The following PPP2R2B variants were observed in gnomAD, a reference collection of about 807,000 sequenced individuals.
PPP2R2B encodes the protein serine/threonine-protein phosphatase 2A 55 kDa regulatory subunit B beta isoform.
Under a neutral mutation model 46.0 loss-of-function variants are expected in PPP2R2B, and 5 were observed. That is an observed-to-expected ratio of 0.11 (90% CI 0.06 to 0.23). The LOEUF (loss-of-function observed/expected upper bound fraction) is 0.23, where lower values mean the gene tolerates loss of function less well. Ranked by LOEUF, PPP2R2B falls within the 10% of genes least tolerant of loss-of-function variation. The probability of loss-of-function intolerance (pLI) is 1.00; values close to 1 mark genes in which losing one functional copy is unlikely to be tolerated. For missense variants in PPP2R2B, 367 were observed against 575.0 expected, an observed-to-expected ratio of 0.64 and a Z score of 3.70; for synonymous variants, 215 against 206.7, an observed-to-expected ratio of 1.04 and a Z score of -0.34.
At chr5:147,053,545 AACAC>A (rs5872002) in intron 1 of PPP2R2B, among the ~76,000 whole-genome samples, 34 of 148,566 alleles carry the variant, frequency 2.3e-4, no homozygotes, top group Middle Eastern at 6.9e-3. Context: ...CAACAATATA[AACAC>A]ACACACACAC....
At chr5:146,739,064 G>T (rs1358824954) in intron 2 of PPP2R2B, among the ~76,000 whole-genome samples, 3 of 152,134 alleles carry the variant, frequency 2.0e-5, no homozygotes, top group Non-Finnish European at 4.4e-5. Context: ...GTGTTGCCCA[G>T]GCTGGAGTGT....
At chr5:147,007,119 C>T (rs1754475030) in intron 1 of PPP2R2B, among the ~76,000 whole-genome samples, 1 of 152,148 alleles carries the variant, frequency 6.6e-6, no homozygotes, top group Admixed American at 6.6e-5. Context: ...CTAACAACTA[C>T]TGAGGACCCC....
At chr5:146,758,895 T>A (rs1753993458) in intron 2 of PPP2R2B, among the ~76,000 whole-genome samples, 2 of 152,184 alleles carry the variant, frequency 1.3e-5, no homozygotes, top group Non-Finnish European at 2.9e-5. Context: ...TAGGTTTTTT[T>A]ACTTCCAATC....
At chr5:146,661,161 A>G (rs1453840236) in intron 5 of PPP2R2B, among the ~76,000 whole-genome samples, 1 of 152,228 alleles carries the variant, frequency 6.6e-6, no homozygotes, top group Non-Finnish European at 1.5e-5. Context: ...TTTGGTTGCC[A>G]CAATAGAGGG....
chr5:146,669,888 G>A (rs190016388), intron 5 of PPP2R2B, among the ~76,000 whole-genome samples: 60 of 152,196 alleles, frequency 3.9e-4, no homozygotes, highest in African/African-American at 1.4e-3. Context: ...TTCTGGTGAC[G>A]TTACTATATT....
intron 2 of PPP2R2B, among the ~76,000 whole-genome samples, chr5:146,785,701 T>C (rs1755791000): frequency 1.3e-5 from 2 of 152,086 alleles, no homozygotes; most frequent in African/African-American, 4.8e-5. Flanking sequence ...TTTTAAAAAG[T>C]CAGATAAGTT....
At chr5:146,935,115 T>G (rs1349654122) in intron 1 of PPP2R2B, among the ~76,000 whole-genome samples, 2 of 152,230 alleles carry the variant, frequency 1.3e-5, no homozygotes, top group East Asian at 3.8e-4. Context: ...AAAATCTATC[T>G]GTGCCTCTCA....
At position 146,878,616 on chromosome 5, in the gene PPP2R2B, C is replaced by T; in HGVS notation, c.-150G>A. The T allele has an allele frequency of 4.8e-6, 6 of 1,244,046 alleles. No homozygotes were observed. The highest frequency in any genetic ancestry group is 7.0e-5 in the East Asian group (2 of 28,570). 77.1% of individuals were successfully genotyped at this position (1,244,046 alleles called of 1,614,324 possible). A position where few individuals can be genotyped will look rare whatever the true frequency, so the allele number is the denominator to read the frequency against. On this transcript the variant is annotated 5_prime_UTR_variant, in exon 1 of 10. Coordinates refer to ENST00000394411, the MANE Select transcript of PPP2R2B (RefSeq NM_181675.4). This position sits in a 1 kb window ranked among gnomAD's most constrained non-coding sequence, Gnocchi z 4.5. ...CTGGCCGGAATGAGGGTGCTGGTCC[C>T]ACGGGAGGGCGGCTCCGGCAGGCGG...
At chr5:146,992,881 T>C (rs1364206006) in intron 1 of PPP2R2B, among the ~76,000 whole-genome samples, 3 of 152,246 alleles carry the variant, frequency 2.0e-5, no homozygotes, top group Non-Finnish European at 4.4e-5. Flanking sequence ...AGAAAAGCTG[T>C]GGCAGCTCTG....
intron 1 of PPP2R2B, among the ~76,000 whole-genome samples, chr5:147,009,864 T>TACACACACAC (rs201299020): frequency 6.6e-5 from 9 of 136,568 alleles, no homozygotes; most frequent in Middle Eastern, 3.5e-3. Context: ...CACACACACA[T>TACACACACAC]ACACACACAC....
At chr5:146,923,177 G>A (rs1763667021) in intron 1 of PPP2R2B, among the ~76,000 whole-genome samples, 1 of 152,084 alleles carries the variant, frequency 6.6e-6, no homozygotes, top group Non-Finnish European at 1.5e-5. Context: ...GACACTAAAA[G>A]ATTCTCAATA....
At chr5:147,064,519 G>A (rs563643228) in intron 2 of PPP2R2B, among the ~76,000 whole-genome samples, 2 of 152,172 alleles carry the variant, frequency 1.3e-5, no homozygotes, top group East Asian at 3.9e-4. Context: ...AGAGACCTGG[G>A]CTGTGATAAT....
chr5:146,836,943 T>C (rs894415924), intron 2 of PPP2R2B, among the ~76,000 whole-genome samples: 22 of 152,250 alleles, frequency 1.4e-4, no homozygotes, highest in African/African-American at 5.1e-4. Flanking sequence ...CATTCATTTC[T>C]TCATTCAACA....
rs1762053579 is a variant in PPP2R2B at position 146,878,724 on chromosome 5, C to CTGCTGCTGCT, written c.-259_-258insAGCAGCAGCA. The CTGCTGCTGCT allele has an allele frequency of 2.7e-6, 2 of 750,308 alleles. No homozygotes were observed. The highest frequency in any genetic ancestry group is 1.0e-4 in the Admixed American group (2 of 19,902). The allele number at this position is 750,308 out of a possible 1,614,324, so 46.5% of individuals were successfully genotyped here. A position where few individuals can be genotyped will look rare whatever the true frequency, so the allele number is the denominator to read the frequency against. ...ACCCTCACACCCACACGCGCGCACT[C>CTGCTGCTGCT]GCAGCTGCTGCTGCTGCTGCTGCTG... On this transcript the variant is annotated 5_prime_UTR_variant, in exon 1 of 10. Transcript: ENST00000394411. This position sits in a 1 kb window ranked among gnomAD's most constrained non-coding sequence, Gnocchi z 4.5.
intron 5 of PPP2R2B, among the ~76,000 whole-genome samples, chr5:146,672,732 T>A (rs2151123667): frequency 6.6e-6 from 1 of 152,352 alleles, no homozygotes; most frequent in East Asian, 1.9e-4. Flanking sequence ...GCAGCTGTTC[T>A]ATTTGAGTAT....
chr5:146,943,519 G>T (rs1430770330), intron 1 of PPP2R2B, among the ~76,000 whole-genome samples: 1 of 152,074 alleles, frequency 6.6e-6, no homozygotes, highest in African/African-American at 2.4e-5. Flanking sequence ...GACATTACAG[G>T]GTTAATCTTG....
intron 5 of PPP2R2B, among the ~76,000 whole-genome samples, chr5:146,690,646 G>C (rs1171950238): frequency 6.6e-6 from 1 of 152,196 alleles, no homozygotes; most frequent in Non-Finnish European, 1.5e-5. Context: ...CTGTTTTGCA[G>C]ATGGAGAAAT....
chr5:146,805,220 G>A (rs900477397), intron 2 of PPP2R2B, among the ~76,000 whole-genome samples: 4 of 152,082 alleles, frequency 2.6e-5, no homozygotes, highest in African/African-American at 9.7e-5. Flanking sequence ...ACCATTTGGG[G>A]ACCCTGAGCC....
At chr5:146,724,580 G>A (rs1751732039) in intron 2 of PPP2R2B, among the ~76,000 whole-genome samples, 1 of 152,130 alleles carries the variant, frequency 6.6e-6, no homozygotes. Context: ...AATGTAGAAA[G>A]CAAGGAGAGT....
Sources: allele counts gnomAD v4.1 joint callset (sites outside exome capture counted in the v4.1 genomes callset), GRCh38; gene constraint gnomAD v4.1.1; non-coding constraint Gnocchi (gnomAD v3.1); transcripts MANE v1.5; gene names NCBI Gene and HGNC (gene_info 2026-07-23, HGNC 2026-07-21).